WDHD1: variants seen among roughly 807,000 people sequenced by gnomAD.
WDHD1 encodes the protein WD repeat and HMG-box DNA-binding protein 1.
WDHD1 carries 111 observed loss-of-function variants against 135.4 expected under a neutral mutation model. The ratio of observed to expected loss-of-function variants is 0.82; its 90% CI spans 0.70 to 0.96. The LOEUF (loss-of-function observed/expected upper bound fraction) is 0.96. Ranked by LOEUF, WDHD1 falls within the 40% of genes least tolerant of loss-of-function variation. The probability of loss-of-function intolerance (pLI) is 0.00; values close to 1 mark genes in which losing one functional copy is unlikely to be tolerated. For missense variants in WDHD1, 1,351 were observed against 1,336.3 expected (o/e 1.01, Z -0.17); for synonymous variants, 434 against 439.0 (o/e 0.99, Z 0.14).
rs769789521 is a variant in WDHD1 at position 55,007,385 on chromosome 14, A to G, written c.505-10T>C. The G allele has an allele frequency of 1.9e-6, 3 of 1,557,768 alleles. No individual in the cohort carries two copies. The highest frequency in any genetic ancestry group is 2.6e-6 in the Non-Finnish European group (3 of 1,152,678). On this transcript the variant is annotated splice_polypyrimidine_tract_variant and intron_variant, in intron 6 of 25. Coordinates refer to ENST00000360586, the MANE Select transcript of WDHD1 (RefSeq NM_007086.4). Reference sequence around the variant, plus strand: ...AACTAATAGCACATGTCTAATTGGTAAAAAAAGAAAATTTCTTTCCTTTAT... The same window carrying G: ...AACTAATAGCACATGTCTAATTGGTGAAAAAAGAAAATTTCTTTCCTTTAT...
chr14:54,979,586 CA>C lies in WDHD1; in HGVS notation c.2063+1953del, dbSNP rs1407892313. ...GAGTCACCGTTAACCTCCATGTAGC[CA>C]AATTAAGAAGTCTTCTTGAACTTAA... On this transcript the variant is annotated intron_variant, in intron 16 of 25. Coordinates refer to ENST00000360586, the MANE Select transcript of WDHD1 (RefSeq NM_007086.4). Among the ~76,000 whole-genome samples, 4 of 152,326 alleles carry C rather than the reference CA, an allele frequency of 2.6e-5. No individual in the cohort carries two copies. In the East Asian group the frequency reaches 7.7e-4, roughly 29 times the overall value.
rs370716250 is a variant in WDHD1, at chr14:54,963,259, C to T, written c.2311-87G>A. The T allele has an allele frequency of 2.9e-4, 292 of 1,017,046 alleles. No homozygotes were observed. The African/African-American group carries it at 4.4e-3, about 15-fold the overall frequency. The allele number at this position is 1,017,046 out of a possible 1,614,324, so 63.0% of individuals were successfully genotyped here. A position where few individuals can be genotyped will look rare whatever the true frequency, so the allele number is the denominator to read the frequency against. The stretch of plus-strand genomic sequence containing the variant: ...ACTGACACTACTAGTAAAACTGAGA[C>T]AATAGTTTTCTAGCTACTCTATCTC... On this transcript the variant is annotated intron_variant, in intron 18 of 25. Coordinates refer to ENST00000360586, the MANE Select transcript of WDHD1 (RefSeq NM_007086.4).
At chr14:54,966,755 G>T in intron 17 of WDHD1, 149 bp from the exon 18 acceptor site, 1 of 969,756 alleles carries the variant, frequency 1.0e-6, no homozygotes, top group Non-Finnish European at 1.4e-6. Flanking sequence ...AAATTCTAGT[G>T]TGATACTACA....
rs907332276 is a variant in WDHD1, at chr14:54,940,854, G to C, written c.*636C>G. 6.6e-6 allele frequency: 1 copy of C among 152,060 alleles called. No homozygotes were observed. Among genetic ancestry groups the C allele is most frequent in the Non-Finnish European group, 1.5e-5 (1 of 68,018 alleles). The allele number at this position is 152,060 out of a possible 1,614,324, so 9.4% of individuals were successfully genotyped here. On this transcript the variant is annotated 3_prime_UTR_variant, in exon 26 of 26. Coordinates refer to ENST00000360586, the MANE Select transcript of WDHD1 (RefSeq NM_007086.4). ...TATTTTCTAGAAATATATCCATTTC[G>C]TGGAAAGATAATATTAAGACCATAT...
intron 24 of WDHD1, 36 bp downstream of exon 24, chr14:54,955,525 T>C: frequency 1.4e-6 from 2 of 1,468,332 alleles, no homozygotes; most frequent in Admixed American, 2.7e-5. Context: ...TACTTTTTAC[T>C]TGGTCACTGC....
intron 2 of WDHD1, among the ~76,000 whole-genome samples, chr14:55,014,829 G>A (rs1310413585): frequency 2.0e-5 from 3 of 151,980 alleles, no homozygotes; most frequent in Non-Finnish European, 4.4e-5. Context: ...TAAGAAAGAT[G>A]GTATTTACAC....
At chr14:54,956,685 T>C (rs1313650049) in intron 23 of WDHD1, among the ~76,000 whole-genome samples, 1 of 152,128 alleles carries the variant, frequency 6.6e-6, no homozygotes, top group Non-Finnish European at 1.5e-5. Flanking sequence ...GAAGTCAGAA[T>C]CTGCTACAAA....
At chr14:54,961,173 G>T (rs1249317556) in intron 21 of WDHD1, among the ~76,000 whole-genome samples, 17 of 151,968 alleles carry the variant, frequency 1.1e-4, no homozygotes, top group Admixed American at 1.1e-3. Flanking sequence ...ACCTACAACA[G>T]TCTCTCAGTG....
rs771204476 is a variant in WDHD1, at chr14:54,963,063, A to G, written c.2420T>C (p.Ile807Thr). Residue 807 changes from isoleucine to threonine, a missense_variant, in exon 19 of 26, where the codon ATA becomes ACA. Ile to Thr is a moderately conservative substitution (Grantham distance 89). This residue lies in a region of WDHD1 where 1,330 missense variants were observed against 1,296.1 expected (regional missense o/e 1.03). Coordinates refer to ENST00000360586, the MANE Select transcript of WDHD1 (RefSeq NM_007086.4). ...IKYASRSRKL[I>T]LAQKLSELAV... is the part of the protein sequence containing the mutation. ...CAGTTCACTTAGTTTTTGAGCCAGT[A>G]TTAATTTCCGAGAGCGAGAAGCATA... The G allele has an allele frequency of 6.8e-6, 11 of 1,611,510 alleles. No individual in the cohort carries two copies. Among genetic ancestry groups the G allele is most frequent in the Non-Finnish European group, 9.3e-6 (11 of 1,178,936 alleles).
chr14:54,941,804 G>T, intron 25 of WDHD1, 114 bp from the exon 26 acceptor site: 2 of 893,898 alleles, frequency 2.2e-6, no homozygotes, highest in Non-Finnish European at 3.3e-6. Flanking sequence ...AGAATAATTA[G>T]CACTTGAATT....
Position 54,940,686 on chromosome 14 carries a change from G to C in WDHD1, c.*804C>G, listed in dbSNP as rs1388545442. ...AAGTCTTGCTCAGTAAAGTACTGTT[G>C]ATGCTGATAATCAGAGTATCCCACC... On this transcript the variant is annotated 3_prime_UTR_variant, in exon 26 of 26. Transcript: ENST00000360586. 1 of 152,056 alleles carries C rather than the reference G, an allele frequency of 6.6e-6. No individual in the cohort carries two copies. Among genetic ancestry groups the C allele is most frequent in the African/African-American group, 2.4e-5 (1 of 41,412 alleles). The allele number at this position is 152,056 out of a possible 1,614,324, so 9.4% of individuals were successfully genotyped here. A position where few individuals can be genotyped will look rare whatever the true frequency, so the allele number is the denominator to read the frequency against.
chr14:54,964,316 G>A (rs897361306), intron 18 of WDHD1, among the ~76,000 whole-genome samples: 6 of 151,804 alleles, frequency 4.0e-5, no homozygotes, highest in Admixed American at 1.3e-4. Flanking sequence ...CTTCTTAATC[G>A]GGATGGTACA....
intron 2 of WDHD1, among the ~76,000 whole-genome samples, chr14:55,026,292 G>GA (rs747711027): frequency 1.3e-5 from 2 of 151,688 alleles, no homozygotes; most frequent in Non-Finnish European, 1.5e-5. Context: ...GGAATCAGAG[G>GA]AAAAAATTGT....
intron 18 of WDHD1, among the ~76,000 whole-genome samples, chr14:54,964,700 A>G (rs1464194417): frequency 6.6e-6 from 1 of 152,102 alleles, no homozygotes; most frequent in East Asian, 1.9e-4. Flanking sequence ...TCTGAACTAA[A>G]GGCATTTGCC....
chr14:55,006,954 C>T (rs2042079922), intron 7 of WDHD1, among the ~76,000 whole-genome samples: 1 of 151,932 alleles, frequency 6.6e-6, no homozygotes, highest in Non-Finnish European at 1.5e-5. Context: ...ATGCCAGGCA[C>T]GGTGGCTCAC....
At chr14:55,014,323 C>G (rs2042225300) in intron 2 of WDHD1, among the ~76,000 whole-genome samples, 2 of 152,190 alleles carry the variant, frequency 1.3e-5, no homozygotes, top group South Asian at 4.1e-4. Flanking sequence ...CTCCTGGGCT[C>G]AAGGGATCTG....
intron 21 of WDHD1, among the ~76,000 whole-genome samples, chr14:54,958,820 A>C (rs561108848): frequency 6.6e-6 from 1 of 152,050 alleles, no homozygotes. Context: ...TTTGCTTTAC[A>C]TTCTCCCCCA....
intron 22 of WDHD1, 82 bp downstream of exon 22, chr14:54,957,510 G>C: frequency 8.0e-7 from 1 of 1,247,844 alleles, no homozygotes; most frequent in Non-Finnish European, 1.1e-6. Context: ...CAAGTCTGGG[G>C]AGAGTCATCT....
intron 18 of WDHD1, among the ~76,000 whole-genome samples, chr14:54,965,942 G>A (rs2140171548): frequency 6.7e-6 from 1 of 148,746 alleles, no homozygotes; most frequent in East Asian, 2.0e-4. Flanking sequence ...AGAAACAAGA[G>A]CGAAACTCCG....
Sources: gnomAD v4.1 joint callset for allele counts (sites outside exome capture counted in the v4.1 genomes callset) on GRCh38, gnomAD v4.1.1 for gene constraint, gnomAD v4.1.1 regional missense constraint, MANE v1.5 for transcripts, NCBI Gene and HGNC (gene_info 2026-07-23, HGNC 2026-07-21) for gene names.